The following NRXN1 variants were observed in gnomAD, a reference collection of about 807,000 sequenced individuals.
NRXN1 encodes neurexin-1.
NRXN1 carries 39 observed loss-of-function variants against 150.9 expected under a neutral mutation model. That is an observed-to-expected ratio of 0.26 (90% CI 0.20 to 0.34). NRXN1 has a LOEUF of 0.34. NRXN1 is among the 10% of genes least tolerant of loss of function. NRXN1 has a pLI of 1.00. For synonymous variants in NRXN1, 924 were observed against 757.0 expected, an observed-to-expected ratio of 1.22 and a Z score of -3.62; for missense variants, 1,815 against 1,949.9, an observed-to-expected ratio of 0.93 and a Z score of 1.30.
chr2:50,767,039 T>C (rs953877008), intron 5 of NRXN1, among the ~76,000 whole-genome samples: 3 of 152,078 alleles, frequency 2.0e-5, no homozygotes, highest in Admixed American at 2.0e-4. Context: ...CCTGACTAAC[T>C]TGAGAATTTC....
intron 17 of NRXN1, among the ~76,000 whole-genome samples, chr2:50,243,514 C>T (rs558796062): frequency 6.6e-6 from 1 of 151,764 alleles, no homozygotes; most frequent in East Asian, 1.9e-4. Context: ...GAGACTCAAA[C>T]TTGTGAGCAC....
Position 50,234,571 on chromosome 2 carries a change from C to G in NRXN1, c.3546+2218G>C, listed in dbSNP as rs563469733. Among the ~76,000 whole-genome samples, 15 of 152,166 alleles carry G rather than the reference C, an allele frequency of 9.9e-5. No individual in the cohort carries two copies. In the South Asian group the frequency reaches 2.9e-3, roughly 29 times the overall value. On this transcript the variant is annotated intron_variant, in intron 18 of 22. Transcript: ENST00000401669. ...CAAAGACTTGTTGAGTCTGTAATGT[C>G]TAATCACCTCTTCTAGGCAATGGGA...
At chr2:50,880,466 T>C (rs558882104) in intron 5 of NRXN1, among the ~76,000 whole-genome samples, 9 of 152,130 alleles carry the variant, frequency 5.9e-5, no homozygotes, top group African/African-American at 2.2e-4. Flanking sequence ...CATTAGCATA[T>C]AAGCTCTATT....
intron 5 of NRXN1, among the ~76,000 whole-genome samples, chr2:50,900,386 T>C (rs1283993934): frequency 1.3e-5 from 2 of 152,194 alleles, no homozygotes; most frequent in African/African-American, 4.8e-5. Context: ...GAACCCGTAG[T>C]ATGTACTTGG....
At chr2:50,460,581 T>C (rs1055045778) in intron 17 of NRXN1, among the ~76,000 whole-genome samples, 3 of 152,108 alleles carry the variant, frequency 2.0e-5, no homozygotes, top group African/African-American at 4.8e-5. Context: ...TTTTATGATG[T>C]CAATTCTAAA....
intron 13 of NRXN1, among the ~76,000 whole-genome samples, chr2:50,498,373 A>G (rs1215117733): frequency 6.6e-6 from 1 of 152,096 alleles, no homozygotes; most frequent in Non-Finnish European, 1.5e-5. Flanking sequence ...TGATTTCTTC[A>G]CCTATGCCTT....
At chr2:50,984,431 C>T (rs2104919916) in intron 2 of NRXN1, among the ~76,000 whole-genome samples, 1 of 151,976 alleles carries the variant, frequency 6.6e-6, no homozygotes, top group South Asian at 2.1e-4. Context: ...TTATGTGGTC[C>T]ATTACCGAAA....
At chr2:50,068,760 C>G (rs910478336) in intron 19 of NRXN1, among the ~76,000 whole-genome samples, 3 of 152,042 alleles carry the variant, frequency 2.0e-5, no homozygotes, top group African/African-American at 7.2e-5. Flanking sequence ...ATGTGTACAT[C>G]ACAAAAAATA....
At chr2:50,460,722 T>C (rs1192864305) in intron 17 of NRXN1, among the ~76,000 whole-genome samples, 1 of 152,076 alleles carries the variant, frequency 6.6e-6, no homozygotes, top group East Asian at 1.9e-4. Flanking sequence ...AGGAAAAATA[T>C]TTTAATCCTT....
chr2:50,556,177 T>C (rs761968291), intron 8 of NRXN1, among the ~76,000 whole-genome samples: 113 of 152,274 alleles, frequency 7.4e-4, no homozygotes, highest in Admixed American at 1.4e-3. Flanking sequence ...CCAGATTTTA[T>C]AATTACCCTA....
rs757152710 is a variant in NRXN1 at position 50,621,363 on chromosome 2, G to T, written c.1135-114C>A. The T allele has an allele frequency of 8.0e-6, 6 of 751,108 alleles. No individual in the cohort carries two copies. The Admixed American group carries it at 1.1e-4, about 14-fold the overall frequency. 46.5% of individuals were successfully genotyped at this position (751,108 alleles called of 1,614,324 possible). On this transcript the variant is annotated intron_variant, in intron 6 of 22. Coordinates refer to ENST00000401669, the MANE Select transcript of NRXN1 (RefSeq NM_001330078.2). ...TAGTACATTTTTTGATTCAGGTAAC[G>T]GTTAGTAGAATGAAACATTCCATGA...
chr2:50,626,451 A>G (rs1387612444), intron 5 of NRXN1, among the ~76,000 whole-genome samples: 5 of 151,950 alleles, frequency 3.3e-5, no homozygotes, highest in Admixed American at 3.3e-4. Flanking sequence ...AATAACGATA[A>G]TCAAACTTAA....
At chr2:50,800,326 G>A (rs1052221257) in intron 5 of NRXN1, among the ~76,000 whole-genome samples, 1 of 151,992 alleles carries the variant, frequency 6.6e-6, no homozygotes, top group African/African-American at 2.4e-5. Flanking sequence ...TTCACACCAG[G>A]TTAAGCCTCA....
chr2:50,032,757 A>C (rs1689369668), intron 21 of NRXN1, among the ~76,000 whole-genome samples: 3 of 151,898 alleles, frequency 2.0e-5, no homozygotes, highest in Non-Finnish European at 1.5e-5. Flanking sequence ...TTTTCCCTGT[A>C]CACAGAGGAA....
intron 2 of NRXN1, among the ~76,000 whole-genome samples, chr2:50,930,076 T>C (rs1050732538): frequency 3.9e-5 from 6 of 152,094 alleles, no homozygotes; most frequent in Non-Finnish European, 8.8e-5. Flanking sequence ...AAACATGCTT[T>C]TTAACAGAGG....
intron 21 of NRXN1, among the ~76,000 whole-genome samples, chr2:49,979,027 G>A (rs1044520771): frequency 3.9e-5 from 6 of 152,104 alleles, no homozygotes; most frequent in Non-Finnish European, 8.8e-5. Context: ...GGTCGGGTGC[G>A]GGGGCTCATG....
chr2:50,172,151 T>C (rs1157955606), intron 18 of NRXN1, among the ~76,000 whole-genome samples: 1 of 152,200 alleles, frequency 6.6e-6, no homozygotes, highest in Non-Finnish European at 1.5e-5. Flanking sequence ...CAGCGCCTTC[T>C]GAAATATTGC....
chr2:50,092,494 T>C (rs1239721672), intron 18 of NRXN1, among the ~76,000 whole-genome samples: 1 of 152,088 alleles, frequency 6.6e-6, no homozygotes, highest in Non-Finnish European at 1.5e-5. Context: ...TCTTCAAACC[T>C]CAGTTGAGAG....
intron 16 of NRXN1, among the ~76,000 whole-genome samples, chr2:50,468,799 A>G (rs1024204268): frequency 2.0e-5 from 3 of 151,392 alleles, no homozygotes; most frequent in African/African-American, 7.3e-5. Context: ...AGGCAATGAT[A>G]CCTATTGTAT....
Sources: gnomAD v4.1 joint callset for allele counts (sites outside exome capture counted in the v4.1 genomes callset) on GRCh38, gnomAD v4.1.1 for gene constraint, MANE v1.5 for transcripts, NCBI Gene and HGNC (gene_info 2026-07-23, HGNC 2026-07-21) for gene names.